AFF3: variants seen among roughly 807,000 people sequenced by gnomAD.
The protein encoded by AFF3 is AF4/FMR2 family member 3.
AFF3 carries 32 observed loss-of-function variants against 129.7 expected under a neutral mutation model. The ratio of observed to expected loss-of-function variants is 0.25; its 90% CI spans 0.19 to 0.33. AFF3 has a LOEUF of 0.33. Ranked by LOEUF, AFF3 falls within the 10% of genes least tolerant of loss-of-function variation. AFF3 has a pLI of 1.00. For synonymous variants in AFF3, 644 were observed against 635.4 expected, an observed-to-expected ratio of 1.01 and a Z score of -0.20; for missense variants, 1,373 against 1,592.0, an observed-to-expected ratio of 0.86 and a Z score of 2.34.
At chr2:99,860,775 C>T (rs868451813) in intron 7 of AFF3, among the ~76,000 whole-genome samples, 6 of 151,782 alleles carry the variant, frequency 4.0e-5, no homozygotes, top group African/African-American at 1.5e-4. Context: ...GTATATAATT[C>T]AAGGTATACA....
chr2:99,934,703 T>G (rs947190415), intron 7 of AFF3, among the ~76,000 whole-genome samples: 1 of 152,186 alleles, frequency 6.6e-6, no homozygotes, highest in South Asian at 2.1e-4. Flanking sequence ...CTTCCACCCT[T>G]GCTCAGCCCC....
chr2:99,842,172 G>A (rs1273435334), intron 7 of AFF3, among the ~76,000 whole-genome samples: 7 of 152,122 alleles, frequency 4.6e-5, no homozygotes, highest in East Asian at 1.9e-4. Context: ...TACAGAAAGC[G>A]TAGGTAGATA....
rs190484248 is a variant in AFF3, at chr2:99,906,971, C to G, written c.874-69447G>C. On this transcript the variant is annotated intron_variant, in intron 7 of 24. Coordinates refer to ENST00000672756, the MANE Select transcript of AFF3 (RefSeq NM_001386135.1). ...AGGGCTTTTACTGACGACTGAAGAG[C>G]TCTCAGGTGCTAATACTATGCCAGG... 8.9e-4 allele frequency among the ~76,000 whole-genome samples: 135 copies of G among 152,232 alleles called. 1 individual carries two copies. Among genetic ancestry groups the G allele is most frequent in the Middle Eastern group, 3.4e-3 (1 of 294 alleles).
At chr2:99,908,296 C>G (rs1400520533) in intron 7 of AFF3, among the ~76,000 whole-genome samples, 3 of 152,098 alleles carry the variant, frequency 2.0e-5, no homozygotes, top group Non-Finnish European at 4.4e-5. Flanking sequence ...GAAACTGGAT[C>G]CCTTCCTTAC....
intron 4 of AFF3, among the ~76,000 whole-genome samples, chr2:100,017,051 CTGG>C (rs1276691365): frequency 6.9e-6 from 1 of 145,734 alleles, no homozygotes; most frequent in Non-Finnish European, 1.5e-5. Context: ...GATGACGATG[CTGG>C]TGGTGGTGGT....
chr2:99,606,036 T>C (rs567669300), intron 13 of AFF3, among the ~76,000 whole-genome samples: 1 of 152,280 alleles, frequency 6.6e-6, no homozygotes, highest in South Asian at 2.1e-4. Context: ...GGTGTGCCAA[T>C]TGGTTGTCAT....
chr2:100,140,620 G>A (rs1559142422), intron 1 of AFF3, among the ~76,000 whole-genome samples: 1 of 152,136 alleles, frequency 6.6e-6, no homozygotes, highest in Non-Finnish European at 1.5e-5. Context: ...CGAGCACCAC[G>A]TCTCACACCT....
intron 8 of AFF3, among the ~76,000 whole-genome samples, chr2:99,789,832 C>T (rs1054387418): frequency 5.9e-5 from 9 of 152,192 alleles, no homozygotes; most frequent in Admixed American, 2.0e-4. Flanking sequence ...GTGGCATAAG[C>T]GCAAGCTCTG....
intron 7 of AFF3, among the ~76,000 whole-genome samples, chr2:99,961,007 C>T (rs1470178211): frequency 6.6e-6 from 1 of 152,206 alleles, no homozygotes; most frequent in African/African-American, 2.4e-5. Flanking sequence ...GACTTGCTAT[C>T]TGTTTTCTCA....
chr2:99,584,371 G>A (rs1358542740), intron 16 of AFF3, among the ~76,000 whole-genome samples: 3 of 152,222 alleles, frequency 2.0e-5, no homozygotes, highest in Non-Finnish European at 4.4e-5. Flanking sequence ...AGCTCAGGAG[G>A]CTGAGGCAGG....
chr2:99,885,975 G>A (rs1576276993), intron 7 of AFF3, among the ~76,000 whole-genome samples: 1 of 152,196 alleles, frequency 6.6e-6, no homozygotes, highest in African/African-American at 2.4e-5. Context: ...AGATATGACA[G>A]GAGATACTGG....
chr2:100,007,433 G>C lies in AFF3; in HGVS notation c.202C>G (p.Arg68Gly). ...KTNKGDELSN[R>G]IQNTLGNYDE... ...TAATTGCCTAAAGTGTTCTGGATCC[G>C]GTTGGAGAGTTCATCCCCCTTGTTA... Residue 68 changes from arginine (R) to glycine (G), a missense_variant, in exon 6 of 25, where the codon CGG becomes GGG. Transcript: ENST00000672756. The C allele has an allele frequency of 1.2e-6, 2 of 1,613,842 alleles. No homozygotes were observed. The highest frequency in any genetic ancestry group is 1.7e-6 in the Non-Finnish European group (2 of 1,179,858).
Position 99,628,867 on chromosome 2 carries a change from C to T in AFF3, c.1184+20759G>A, listed in dbSNP as rs555324902. On this transcript the variant is annotated intron_variant, in intron 13 of 24. Coordinates refer to ENST00000672756, the MANE Select transcript of AFF3 (RefSeq NM_001386135.1). ...TCCTGACTAGCTGGGATTACAGGCG[C>T]GTGCCACCATGCCCAGTTAATTTTT... 2.0e-4 allele frequency among the ~76,000 whole-genome samples: 30 copies of T among 152,126 alleles called. 1 individual carries two copies. The highest frequency in any genetic ancestry group is 1.2e-3 in the Admixed American group (18 of 15,270).
intron 1 of AFF3, among the ~76,000 whole-genome samples, chr2:100,139,001 T>C (rs1240263207): frequency 1.3e-5 from 2 of 150,908 alleles, no homozygotes; most frequent in East Asian, 3.9e-4. Flanking sequence ...GTTGAAGTTA[T>C]GCATCATTAC....
chr2:99,558,796 A>G (rs1675194720), intron 22 of AFF3, 79 bp downstream of exon 22: 2 of 1,366,306 alleles, frequency 1.5e-6, no homozygotes, highest in African/African-American at 2.9e-5. Context: ...AAAGCAATGG[A>G]GTCTACCAGG....
intron 7 of AFF3, among the ~76,000 whole-genome samples, chr2:99,913,833 T>A (rs568999913): frequency 2.0e-5 from 3 of 151,802 alleles, no homozygotes; most frequent in Non-Finnish European, 2.9e-5. Flanking sequence ...CAAAAAAAAA[T>A]GTGAATAATC....
intron 7 of AFF3, among the ~76,000 whole-genome samples, chr2:99,982,700 G>T (rs945811875): frequency 6.6e-6 from 1 of 152,102 alleles, no homozygotes; most frequent in African/African-American, 2.4e-5. Flanking sequence ...ATGGACCCAG[G>T]ATACTGAATC....
chr2:99,733,396 AAACAAC>A (rs3073372), intron 10 of AFF3, among the ~76,000 whole-genome samples: 7,481 of 144,352 alleles, frequency 0.052, 385 homozygotes, highest in Admixed American at 0.15. Context: ...AAAAAAACCA[AAACAAC>A]AACAACAACA....
intron 21 of AFF3, among the ~76,000 whole-genome samples, chr2:99,559,856 A>G (rs1675308244): frequency 6.6e-6 from 1 of 152,220 alleles, no homozygotes; most frequent in African/African-American, 2.4e-5. Context: ...GTAGACATGT[A>G]TTCTATCAAC....
Sources: allele counts gnomAD v4.1 joint callset (sites outside exome capture counted in the v4.1 genomes callset), GRCh38; gene constraint gnomAD v4.1.1; transcripts MANE v1.5; gene names NCBI Gene and HGNC (gene_info 2026-07-23, HGNC 2026-07-21).